Variants in AFG2B observed in about 807,000 individuals in gnomAD.
AFG2B encodes the protein ATPase family gene 2 protein homolog B.
the AFG2B span, among the ~76,000 whole-genome samples, chr15:45,418,174 T>C: frequency 6.6e-6 from 1 of 151,802 alleles, no homozygotes; most frequent in Non-Finnish European, 1.5e-5. Context: ...TGAAACCCCA[T>C]CTCTACTAAA....
At chr15:45,403,140 G>T in the AFG2B span, 4 of 1,464,208 alleles carry the variant, frequency 2.7e-6, no homozygotes, top group Non-Finnish European at 3.6e-6. Context: ...CTCGCGGGGT[G>T]CTCCTGGCGG....
the AFG2B span, chr15:45,402,407 T>C: frequency 6.4e-7 from 1 of 1,573,348 alleles, no homozygotes; most frequent in Non-Finnish European, 8.6e-7. Flanking sequence ...TCTGGTTTCG[T>C]CTGCCTGGTT....
At chr15:45,406,159 C>CTT in the AFG2B span, among the ~76,000 whole-genome samples, 1 of 152,150 alleles carries the variant, frequency 6.6e-6, no homozygotes. Flanking sequence ...AGGCTTTCTT[C>CTT]TATGAAAACA....
chr15:45,418,280 G>T, the AFG2B span, among the ~76,000 whole-genome samples: 1 of 149,094 alleles, frequency 6.7e-6, no homozygotes, highest in Non-Finnish European at 1.5e-5. Context: ...GGAGGTGGAG[G>T]TTGTAGTGAG....
chr15:45,405,510 G>C, the AFG2B span: 1 of 1,610,442 alleles, frequency 6.2e-7, no homozygotes, highest in South Asian at 1.1e-5. Context: ...GAGAAGGTAA[G>C]AAGTGTTAAT....
chr15:45,410,243 A>C, the AFG2B span: 18 of 1,001,826 alleles, frequency 1.8e-5, no homozygotes, highest in African/African-American at 2.8e-4. Context: ...TATGTATATA[A>C]ATTGTTTTTA....
the AFG2B span, among the ~76,000 whole-genome samples, chr15:45,410,746 T>C: frequency 6.6e-6 from 1 of 152,144 alleles, no homozygotes; most frequent in Non-Finnish European, 1.5e-5. Context: ...CCTCTCTTTG[T>C]TTTTGCTTTA....
At chr15:45,421,171 A>T in the AFG2B span, 8 of 1,609,334 alleles carry the variant, frequency 5.0e-6, no homozygotes, top group Non-Finnish European at 6.8e-6. Flanking sequence ...ATGAAAACTT[A>T]TTTAAGAAAG....
At chr15:45,405,213 G>A in the AFG2B span, 1 of 1,112,650 alleles carries the variant, frequency 9.0e-7, no homozygotes, top group South Asian at 1.7e-5. Context: ...CCAGTGTCTG[G>A]TTGCTATCAT....
At chr15:45,419,218 C>T in the AFG2B span, among the ~76,000 whole-genome samples, 59 of 151,986 alleles carry the variant, frequency 3.9e-4, no homozygotes, top group African/African-American at 1.3e-3. Context: ...GAGGCCAAGG[C>T]GAGAGGATTG....
At chr15:45,405,239 C>T in the AFG2B span, 1 of 1,349,076 alleles carries the variant, frequency 7.4e-7, no homozygotes, top group Non-Finnish European at 1.0e-6. Context: ...TGTCTACCTC[C>T]ATCCATGAGA....
chr15:45,414,553 C>CT, the AFG2B span: 1 of 1,610,298 alleles, frequency 6.2e-7, no homozygotes, highest in Non-Finnish European at 8.5e-7. Context: ...CAACTCTTCT[C>CT]TTTTTGTGTA....
At chr15:45,403,596 G>A in the AFG2B span, 1 of 1,557,348 alleles carries the variant, frequency 6.4e-7, no homozygotes, top group Non-Finnish European at 8.6e-7. Context: ...CCCCGGAGGC[G>A]TTTGCCTCTT....
the AFG2B span, among the ~76,000 whole-genome samples, chr15:45,408,258 C>G: frequency 2.6e-5 from 4 of 152,152 alleles, no homozygotes. Flanking sequence ...AAGATAGTTA[C>G]AAAGAACTTC....
the AFG2B span, among the ~76,000 whole-genome samples, chr15:45,403,729 TGAGTCAGGATCTGA>T: frequency 6.6e-6 from 1 of 152,210 alleles, no homozygotes; most frequent in Admixed American, 6.5e-5. Context: ...TCAGGACCTG[TGAGTCAGGATCTGA>T]GAGTCAGGAC....
chr15:45,415,606 C>G, the AFG2B span: 1 of 1,613,586 alleles, frequency 6.2e-7, no homozygotes, highest in East Asian at 2.2e-5. Context: ...CAAGCAAGAG[C>G]AAGCACTCCA....
At chr15:45,402,388 G>T in the AFG2B span, 1 of 1,555,920 alleles carries the variant, frequency 6.4e-7, no homozygotes, top group Non-Finnish European at 8.6e-7. Context: ...GGCCGGGTGG[G>T]TTTCCTAATC....
At chr15:45,417,759 G>A in the AFG2B span, 3 of 167,340 alleles carry the variant, frequency 1.8e-5, no homozygotes, top group Non-Finnish European at 2.6e-5. Flanking sequence ...ATTATGCAGT[G>A]TATCGTGGTC....
the AFG2B span, among the ~76,000 whole-genome samples, chr15:45,413,028 A>G: frequency 6.6e-6 from 1 of 152,264 alleles, no homozygotes. Flanking sequence ...GTCCATGGAT[A>G]AGAGCATTTA....
Sources: allele counts gnomAD v4.1 joint callset (sites outside exome capture counted in the v4.1 genomes callset), GRCh38; gene constraint gnomAD v4.1.1; transcripts MANE v1.5; gene names NCBI Gene and HGNC (gene_info 2026-07-23, HGNC 2026-07-21).